TBC1D23: variants seen among roughly 807,000 people sequenced by gnomAD.
TBC1D23 encodes TBC1 domain family member 23.
Under a neutral mutation model 91.4 loss-of-function variants are expected in TBC1D23, and 55 were observed. The ratio of observed to expected loss-of-function variants is 0.60; its 90% CI spans 0.48 to 0.75. The LOEUF is 0.75. Ranked by LOEUF, TBC1D23 falls within the 30% of genes least tolerant of loss-of-function variation. The probability of loss-of-function intolerance (pLI) is 0.00; values close to 1 mark genes in which losing one functional copy is unlikely to be tolerated. For missense variants in TBC1D23, 725 were observed against 836.1 expected (o/e 0.87, Z 1.64); for synonymous variants, 289 against 281.0 (o/e 1.03, Z -0.28).
intron 1 of TBC1D23, among the ~76,000 whole-genome samples, chr3:100,266,288 G>C (rs1381686273): frequency 7.3e-6 from 1 of 137,338 alleles, no homozygotes; most frequent in Non-Finnish European, 1.6e-5. Context: ...TTTTTTTTTT[G>C]AGACGGAGTC....
chr3:100,314,287 G>C (rs1395627436), intron 15 of TBC1D23, among the ~76,000 whole-genome samples: 1 of 151,664 alleles, frequency 6.6e-6, no homozygotes, highest in East Asian at 1.9e-4. Flanking sequence ...TAGTAGAGAC[G>C]GGGTTTCACC....
At chr3:100,268,346 C>A (rs1372182018) in intron 1 of TBC1D23, among the ~76,000 whole-genome samples, 1 of 151,950 alleles carries the variant, frequency 6.6e-6, no homozygotes, top group Non-Finnish European at 1.5e-5. Context: ...GCATGAAATT[C>A]AATGAAATCC....
At chr3:100,313,286 A>G (rs1705662842) in intron 15 of TBC1D23, among the ~76,000 whole-genome samples, 1 of 152,136 alleles carries the variant, frequency 6.6e-6, no homozygotes, top group Non-Finnish European at 1.5e-5. Context: ...TGTAACTTAA[A>G]TCATCTCTGA....
chr3:100,295,815 T>A (rs906043020), intron 7 of TBC1D23, among the ~76,000 whole-genome samples: 8 of 152,248 alleles, frequency 5.3e-5, no homozygotes, highest in African/African-American at 1.7e-4. Context: ...TATAATGATT[T>A]ATTTTTATTT....
intron 1 of TBC1D23, among the ~76,000 whole-genome samples, chr3:100,276,103 G>A (rs1007269540): frequency 6.6e-6 from 1 of 150,892 alleles, no homozygotes; most frequent in African/African-American, 2.4e-5. Context: ...AAAAAAAAAA[G>A]GAGATGAACT....
At position 100,319,158 on chromosome 3, in the gene TBC1D23, C is replaced by T. The variant is rs759837209; in HGVS notation, c.1777C>T (p.His593Tyr). ...TWINKPDVKH[H>Y]FPCKEVKESG... ...GATAAACAAACCAGATGTCAAACAT[C>T]ATTTTCCTTGTAAAGAAGTAAAAGA... Residue 593 changes from histidine to tyrosine, a missense_variant, in exon 17 of 19, where the codon CAT becomes TAT. Physicochemically the swap from His to Tyr is moderately conservative, Grantham distance 83. Transcript: ENST00000394144. 3 of 1,609,818 alleles carry T rather than the reference C, an allele frequency of 1.9e-6. No homozygotes were observed. Among genetic ancestry groups the T allele is most frequent in the Admixed American group, 1.7e-5 (1 of 59,468 alleles).
Position 100,323,593 on chromosome 3 carries a change from G to T in TBC1D23, c.2025G>T (p.Leu675Phe). The T allele has an allele frequency of 1.3e-6, 2 of 1,495,098 alleles. No individual in the cohort carries two copies. The highest frequency in any genetic ancestry group is 1.4e-5 in the South Asian group (1 of 69,464). The allele number at this position is 1,495,098 out of a possible 1,614,324, so 92.6% of individuals were successfully genotyped here. Residue 675 changes from leucine (L) to phenylalanine (F), a missense_variant, in exon 19 of 19, where the codon TTG becomes TTT. By Grantham distance (22) the Leu-to-Phe change is conservative. Transcript: ENST00000394144. The stretch of plus-strand genomic sequence containing the variant: ...TATTTTTTTTCCCCCTTAGGTATTT[G>T]ATTCCAAATGCAGGGGATGCAACTA... Reference protein sequence around the residue: ...GIEILAIERYLIPNAGDATKA... With the variant: ...GIEILAIERYFIPNAGDATKA...
At position 100,315,713 on chromosome 3, in the gene TBC1D23, T is replaced by C. The variant is rs1043438974; in HGVS notation, c.1599-386T>C. On this transcript the variant is annotated intron_variant, in intron 15 of 18. Transcript: ENST00000394144. ...ACAATAAAATTGACTGATTTAGTTC[T>C]TACTATAACCCTGACAGGTAGATAT... The C allele has an allele frequency of 1.8e-4, 35 of 196,108 alleles. No individual in the cohort carries two copies. The East Asian group carries it at 3.5e-3, about 20-fold the overall frequency. The allele number at this position is 196,108 out of a possible 1,614,324, so 12.1% of individuals were successfully genotyped here.
chr3:100,323,516 G>T, intron 18 of TBC1D23, 71 bp from the exon 19 acceptor site: 1 of 767,814 alleles, frequency 1.3e-6, no homozygotes, highest in Admixed American at 4.5e-5. Flanking sequence ...TGAAGGGAAA[G>T]CACTGTATTT....
rs2067826879 is a variant in TBC1D23, at chr3:100,295,105, T to C, written c.619T>C (p.Cys207Arg). ...ALNWLGSLFA[C>R]YCSTEVTQAI... is the part of the protein sequence containing the mutation. ...ATTACAGCTTGGAAGTCTTTTTGCA[T>C]GTTACTGTTCCACTGAAGTCACTCA... Residue 207 changes from cysteine (C) to arginine (R), a missense_variant, in exon 6 of 19, where the codon TGT (cysteine) becomes CGT (arginine). Cys to Arg is a radical substitution (Grantham distance 180, BLOSUM62 -3). Transcript: ENST00000394144. The C allele has an allele frequency of 6.3e-7, 1 of 1,591,526 alleles. No individual in the cohort carries two copies. The highest frequency in any genetic ancestry group is 1.4e-5 in the African/African-American group (1 of 73,548).
At chr3:100,281,085 G>A (rs537039537) in intron 2 of TBC1D23, among the ~76,000 whole-genome samples, 5 of 152,216 alleles carry the variant, frequency 3.3e-5, no homozygotes, top group African/African-American at 7.2e-5. Context: ...ACTTGAACCC[G>A]GGAGGCGGAG....
At chr3:100,279,044 CTG>C (rs2067673725) in intron 1 of TBC1D23, among the ~76,000 whole-genome samples, 1 of 152,182 alleles carries the variant, frequency 6.6e-6, no homozygotes, top group Non-Finnish European at 1.5e-5. Flanking sequence ...AGGAACCAGA[CTG>C]TTAAAATTTG....
intron 13 of TBC1D23, 33 bp from the exon 14 acceptor site, chr3:100,310,370 A>G (rs374001145): frequency 7.5e-6 from 12 of 1,591,618 alleles, no homozygotes; most frequent in African/African-American, 1.4e-5. Context: ...TTAGTCATTC[A>G]GAGGCAGTTA....
Position 100,295,420 on chromosome 3 carries a change from C to A in TBC1D23, c.772+72C>A. On this transcript the variant is annotated intron_variant, in intron 7 of 18. Coordinates refer to ENST00000394144, the MANE Select transcript of TBC1D23 (RefSeq NM_001199198.3). ...GTGTAAGTTACTCAGTTTCCTCATTCGTAAATTTAGGAGATTAGTCTAGAA... is the reference window on the plus strand; with the variant it reads ...GTGTAAGTTACTCAGTTTCCTCATTAGTAAATTTAGGAGATTAGTCTAGAA... The A allele has an allele frequency of 5.4e-6, 7 of 1,295,372 alleles. 1 individual carries two copies. The highest frequency in any genetic ancestry group is 2.1e-6 in the Non-Finnish European group (2 of 939,162). The allele number at this position is 1,295,372 out of a possible 1,614,324, so 80.2% of individuals were successfully genotyped here.
At position 100,304,693 on chromosome 3, in the gene TBC1D23, C is replaced by G. The variant is rs1358885904; in HGVS notation, c.1264-153C>G. Among the ~76,000 whole-genome samples the G allele has an allele frequency of 2.6e-5, 4 of 152,270 alleles. No homozygotes were observed. In the East Asian group the frequency reaches 7.7e-4, roughly 29 times the overall value. On this transcript the variant is annotated intron_variant, in intron 11 of 18. Transcript: ENST00000394144. ...TGCATAATAAGGTAAATGGATATAC[C>G]TCTCTCTGCCAAAGTCCAAAATGTC...
chr3:100,296,859 T>TTA (rs2067845750), intron 8 of TBC1D23, among the ~76,000 whole-genome samples: 2 of 95,890 alleles, frequency 2.1e-5, no homozygotes, highest in African/African-American at 7.1e-5. Context: ...AGACTCTGTC[T>TTA]CAAAAAAAAA....
intron 16 of TBC1D23, among the ~76,000 whole-genome samples, chr3:100,317,301 T>C (rs1705767038): frequency 6.6e-6 from 1 of 152,124 alleles, no homozygotes; most frequent in East Asian, 1.9e-4. Context: ...TTCCAGTTAG[T>C]AATAAATACA....
intron 4 of TBC1D23, among the ~76,000 whole-genome samples, chr3:100,285,001 AT>A (rs974796311): frequency 3.3e-5 from 5 of 151,986 alleles, no homozygotes; most frequent in Non-Finnish European, 5.9e-5. Context: ...ACTGACTCTT[AT>A]TTTTTACTAC....
intron 1 of TBC1D23, among the ~76,000 whole-genome samples, chr3:100,262,063 A>G (rs2067515633): frequency 6.6e-6 from 1 of 152,246 alleles, no homozygotes. Flanking sequence ...AAAGGGATAG[A>G]TAATTAGTAA....
Sources: gnomAD v4.1 joint callset for allele counts (sites outside exome capture counted in the v4.1 genomes callset) on GRCh38, gnomAD v4.1.1 for gene constraint, MANE v1.5 for transcripts, NCBI Gene and HGNC (gene_info 2026-07-23, HGNC 2026-07-21) for gene names.